Variants in CCDC191 observed in about 807,000 individuals in gnomAD.
CCDC191 encodes coiled-coil domain containing 191.
In CCDC191, 99 loss-of-function variants were observed where a neutral mutation model predicts 114.0. The ratio of observed to expected loss-of-function variants is 0.87; its 90% CI spans 0.74 to 1.03. CCDC191 has a LOEUF of 1.03. Ranked by LOEUF, CCDC191 falls within the 50% of genes least tolerant of loss-of-function variation. The pLI is 0.00. For missense variants in CCDC191, 973 were observed against 1,087.0 expected, an observed-to-expected ratio of 0.90 and a Z score of 1.47; for synonymous variants, 351 against 376.0, an observed-to-expected ratio of 0.93 and a Z score of 0.77.
intron 9 of CCDC191, among the ~76,000 whole-genome samples, chr3:114,008,211 C>A: frequency 6.8e-6 from 1 of 146,210 alleles, no homozygotes; most frequent in African/African-American, 2.5e-5. Flanking sequence ...AACAGTGGCA[C>A]TTTGTAAGGT....
chr3:113,970,375 G>T (rs1247712451), intron 16 of CCDC191, among the ~76,000 whole-genome samples: 1 of 151,960 alleles, frequency 6.6e-6, no homozygotes, highest in Admixed American at 6.6e-5. Flanking sequence ...ACCCAGGCTG[G>T]TCTTGAACCC....
At chr3:114,002,726 C>A (rs569002115) in intron 11 of CCDC191, 188 bp from the exon 12 acceptor site, 9 of 918,358 alleles carry the variant, frequency 9.8e-6, no homozygotes, top group African/African-American at 1.8e-5. Context: ...AGGTTAAAGA[C>A]CTATTATCCC....
chr3:114,008,026 A>C (rs2076000525), intron 9 of CCDC191, among the ~76,000 whole-genome samples: 1 of 147,570 alleles, frequency 6.8e-6, no homozygotes, highest in South Asian at 2.1e-4. Context: ...GAGTCTAAAT[A>C]TATATAAATT....
intron 13 of CCDC191, chr3:113,984,236 T>A (rs936903496): frequency 1.1e-4 from 16 of 152,086 alleles, no homozygotes; most frequent in Non-Finnish European, 1.8e-4. Context: ...GGTTTTTTTT[T>A]ATCTATGTCA....
intron 4 of CCDC191, among the ~76,000 whole-genome samples, chr3:114,037,961 G>A (rs1477774920): frequency 6.6e-6 from 1 of 152,148 alleles, no homozygotes; most frequent in Admixed American, 6.5e-5. Flanking sequence ...TTTTCTGTTG[G>A]GAAAATGTGT....
chr3:114,029,956 T>C (rs1187799523), intron 7 of CCDC191, among the ~76,000 whole-genome samples: 1 of 152,134 alleles, frequency 6.6e-6, no homozygotes, highest in Non-Finnish European at 1.5e-5. Flanking sequence ...AAATTATGGA[T>C]TGAGTCCTGG....
intron 9 of CCDC191, among the ~76,000 whole-genome samples, chr3:114,009,246 G>T (rs1577406816): frequency 6.6e-6 from 1 of 152,144 alleles, no homozygotes; most frequent in East Asian, 1.9e-4. Flanking sequence ...AAATTTATTA[G>T]AATTTTTTTT....
chr3:114,035,177 G>A lies in CCDC191; in HGVS notation c.595-29C>T. On this transcript the variant is annotated intron_variant, in intron 5 of 16. Transcript: ENST00000295878. ...AAAGCAAATATAATAAAGATGAAGTGTGGCCTTTCAAGTAGAAAGGGATAT... is the reference window on the plus strand; with the variant it reads ...AAAGCAAATATAATAAAGATGAAGTATGGCCTTTCAAGTAGAAAGGGATAT... 1.9e-6 allele frequency: 3 copies of A among 1,540,324 alleles called. No homozygotes were observed. The South Asian group carries it at 3.4e-5, about 18-fold the overall frequency.
intron 16 of CCDC191, among the ~76,000 whole-genome samples, chr3:113,966,790 T>C (rs1940218149): frequency 6.6e-6 from 1 of 151,820 alleles, no homozygotes; most frequent in African/African-American, 2.4e-5. Context: ...TTTTTGTTGG[T>C]GGAGGTACTG....
At chr3:113,987,977 T>C (rs975763331) in intron 13 of CCDC191, among the ~76,000 whole-genome samples, 1 of 150,872 alleles carries the variant, frequency 6.6e-6, no homozygotes, top group Admixed American at 6.6e-5. Flanking sequence ...AGGAAGCGGA[T>C]GTTGCAGTGA....
At position 114,018,700 on chromosome 3, in the gene CCDC191, T is replaced by G; in HGVS notation, c.1141A>C (p.Asn381His). 1 of 1,611,466 alleles carries G rather than the reference T, an allele frequency of 6.2e-7. No homozygotes were observed. Residue 381 changes from asparagine (N) to histidine (H), a missense_variant, in exon 8 of 17, where the codon AAT becomes CAT. By Grantham distance (68) the Asn-to-His change is moderately conservative. Coordinates refer to ENST00000295878, the MANE Select transcript of CCDC191 (RefSeq NM_020817.2). ...KLERETQALENDLREENRKQQ... is the reference protein window; with the variant it reads ...KLERETQALEHDLREENRKQQ... Reference sequence around the variant, plus strand: ...TACCTGTTTTCTTCCCTAAGATCATTTTCCAAGGCTTGAGTCTCCCGCTCC... The same window carrying G: ...TACCTGTTTTCTTCCCTAAGATCATGTTCCAAGGCTTGAGTCTCCCGCTCC...
chr3:114,034,882 G>C (rs1230327235), intron 6 of CCDC191, 43 bp downstream of exon 6: 1 of 1,554,036 alleles, frequency 6.4e-7, no homozygotes, highest in African/African-American at 1.4e-5. Flanking sequence ...TAAAATGACT[G>C]CTTAAACAGA....
intron 9 of CCDC191, among the ~76,000 whole-genome samples, chr3:114,008,544 A>G (rs781394477): frequency 2.6e-5 from 4 of 151,926 alleles, no homozygotes; most frequent in Non-Finnish European, 4.4e-5. Context: ...CTTCTCCACA[A>G]GGTTTTCTAA....
intron 1 of CCDC191, among the ~76,000 whole-genome samples, chr3:114,056,015 C>CAAA (rs200734292): frequency 1.3e-4 from 15 of 116,530 alleles, no homozygotes; most frequent in African/African-American, 4.7e-4. Flanking sequence ...CCAAGATTTG[C>CAAA]AAAAAAAAAA....
chr3:114,000,691 C>T (rs1362679029), intron 13 of CCDC191, among the ~76,000 whole-genome samples: 1 of 151,920 alleles, frequency 6.6e-6, no homozygotes, highest in East Asian at 1.9e-4. Flanking sequence ...TACTTTGCTG[C>T]CCGGGTTGGA....
At chr3:114,035,376 A>T (rs1480547803) in intron 5 of CCDC191, among the ~76,000 whole-genome samples, 21 of 152,202 alleles carry the variant, frequency 1.4e-4, no homozygotes, top group Admixed American at 1.4e-3. Flanking sequence ...TCTGGGAATG[A>T]TCCACATCAC....
Position 114,036,797 on chromosome 3 carries a change from CAG to C in CCDC191, c.416-13_416-12del. 6.7e-7 allele frequency: 1 copy of C among 1,497,896 alleles called. No individual in the cohort carries two copies. Among genetic ancestry groups the C allele is most frequent in the Non-Finnish European group, 8.9e-7 (1 of 1,125,436 alleles). 92.8% of individuals were successfully genotyped at this position (1,497,896 alleles called of 1,614,324 possible). A position where few individuals can be genotyped will look rare whatever the true frequency, so the allele number is the denominator to read the frequency against. ...AATAGCCACATAAATCTGGGGGAAA[CAG>C]AACAACAAAAAAGGGAATTTTTTTA... On this transcript the variant is annotated splice_polypyrimidine_tract_variant and intron_variant, in intron 4 of 16. Transcript: ENST00000295878.
At chr3:114,041,966 C>G (rs549669677) in intron 4 of CCDC191, among the ~76,000 whole-genome samples, 3 of 150,668 alleles carry the variant, frequency 2.0e-5, no homozygotes, top group African/African-American at 7.3e-5. Flanking sequence ...GACACTGGCT[C>G]TGTGCACAGT....
At chr3:114,035,863 T>A (rs951780038) in intron 5 of CCDC191, among the ~76,000 whole-genome samples, 2 of 152,178 alleles carry the variant, frequency 1.3e-5, no homozygotes, top group Non-Finnish European at 2.9e-5. Context: ...TTGTCATAAA[T>A]CCAAACTAGA....
Sources: allele counts gnomAD v4.1 joint callset (sites outside exome capture counted in the v4.1 genomes callset), GRCh38; gene constraint gnomAD v4.1.1; transcripts MANE v1.5; gene names NCBI Gene and HGNC (gene_info 2026-07-23, HGNC 2026-07-21).